DEPTOR: variants seen among roughly 807,000 people sequenced by gnomAD.
DEPTOR encodes the protein DEP domain-containing mTOR-interacting protein.
A neutral mutation model predicts 41.6 loss-of-function variants in DEPTOR; 41 were observed. The observed-to-expected ratio is 0.98, with a 90% CI of 0.77 to 1.28. The LOEUF (loss-of-function observed/expected upper bound fraction) is 1.28. Ranked by LOEUF, DEPTOR falls within the 50% of genes most tolerant of loss-of-function variation. The pLI, the probability that DEPTOR is intolerant of heterozygous loss-of-function variation, is 0.00. For synonymous variants in DEPTOR, 195 were observed against 192.3 expected (o/e 1.01, Z -0.12); for missense variants, 514 against 527.9 (o/e 0.97, Z 0.26).
intron 4 of DEPTOR, among the ~76,000 whole-genome samples, chr8:119,978,975 C>T (rs896952283): frequency 2.0e-5 from 3 of 146,458 alleles, no homozygotes; most frequent in Non-Finnish European, 3.0e-5. Flanking sequence ...GCTCCCTGCT[C>T]ACCCCCACTC....
intron 8 of DEPTOR, among the ~76,000 whole-genome samples, chr8:120,044,623 T>C (rs958761702): frequency 1.3e-5 from 2 of 152,194 alleles, no homozygotes; most frequent in African/African-American, 4.8e-5. Flanking sequence ...CTATCCATAC[T>C]GCCCACAGCA....
chr8:120,030,469 G>A (rs1356990730), intron 8 of DEPTOR, among the ~76,000 whole-genome samples: 1 of 133,188 alleles, frequency 7.5e-6, no homozygotes, highest in Non-Finnish European at 1.6e-5. Flanking sequence ...GACTCTGGGT[G>A]ATAATGATGT....
intron 3 of DEPTOR, among the ~76,000 whole-genome samples, chr8:119,953,554 G>A (rs1330955515): frequency 6.7e-6 from 1 of 149,520 alleles, no homozygotes; most frequent in Non-Finnish European, 1.5e-5. Flanking sequence ...TTGTGCCACT[G>A]CACTCCAGCC....
intron 1 of DEPTOR, among the ~76,000 whole-genome samples, chr8:119,881,602 A>C (rs1199266006): frequency 7.2e-5 from 11 of 152,148 alleles, no homozygotes; most frequent in Admixed American, 7.2e-4. Flanking sequence ...AATATGAGAT[A>C]AGGAATTTAG....
At chr8:119,953,590 CAAA>C (rs59533834) in intron 3 of DEPTOR, among the ~76,000 whole-genome samples, 7 of 69,354 alleles carry the variant, frequency 1.0e-4, no homozygotes, top group Admixed American at 1.7e-4. Flanking sequence ...GACTCTGTCT[CAAA>C]AAAAAAAAAA....
At chr8:119,918,696 T>TGATC (rs939004384) in intron 1 of DEPTOR, among the ~76,000 whole-genome samples, 6 of 152,160 alleles carry the variant, frequency 3.9e-5, no homozygotes, top group Non-Finnish European at 7.4e-5. Context: ...CTTGACCTTG[T>TGATC]GATCGGCCCT....
chr8:119,921,438 T>C lies in DEPTOR; in HGVS notation c.123-6962T>C, dbSNP rs187401346. On this transcript the variant is annotated intron_variant, in intron 1 of 8. Coordinates refer to ENST00000286234, the MANE Select transcript of DEPTOR (RefSeq NM_022783.4). ...ATATACAATTTTCAAAGCTCATTTT[T>C]AGAAGTCTGTGTTTCTGACTACAAA... Among the ~76,000 whole-genome samples, 1,153 of 152,344 alleles carry C rather than the reference T, an allele frequency of 7.6e-3. 9 individuals carry two copies. Among genetic ancestry groups the C allele is most frequent in the Non-Finnish European group, 9.2e-3 (627 of 68,034 alleles).
intron 8 of DEPTOR, among the ~76,000 whole-genome samples, chr8:120,011,404 G>C (rs1812529995): frequency 6.6e-6 from 1 of 152,220 alleles, no homozygotes; most frequent in African/African-American, 2.4e-5. Context: ...GCAACTCAGA[G>C]TAGGAATGTT....
intron 1 of DEPTOR, among the ~76,000 whole-genome samples, chr8:119,924,111 A>G (rs934789913): frequency 6.6e-6 from 1 of 152,044 alleles, no homozygotes; most frequent in African/African-American, 2.4e-5. Flanking sequence ...ATAGCTAATT[A>G]TTTGTTCCAT....
intron 3 of DEPTOR, among the ~76,000 whole-genome samples, chr8:119,945,384 A>G (rs1307316432): frequency 6.6e-6 from 1 of 152,200 alleles, no homozygotes; most frequent in East Asian, 1.9e-4. Context: ...GAGGATTTCT[A>G]TGTTCTAGGC....
At chr8:119,933,997 C>T (rs976525311) in intron 3 of DEPTOR, among the ~76,000 whole-genome samples, 4 of 152,034 alleles carry the variant, frequency 2.6e-5, no homozygotes, top group South Asian at 4.2e-4. Context: ...CTCATGCCTC[C>T]GCCTCCCAAG....
chr8:119,874,298 CAG>C (rs1385809958), intron 1 of DEPTOR: 1 of 356,420 alleles, frequency 2.8e-6, no homozygotes, highest in East Asian at 7.2e-5. Context: ...TGGACGCCGC[CAG>C]GCCTCCCGGC....
rs552984893 is a variant in DEPTOR at position 119,952,008 on chromosome 8, G to T, written c.426-13224G>T. On this transcript the variant is annotated intron_variant, in intron 3 of 8. Transcript: ENST00000286234. ...AAATTAGCTGGGCATGGAGGCACAC[G>T]CCTGTAATCCCAGCTACTGGGGAGA... is the stretch of plus-strand genomic sequence containing the variant. Among the ~76,000 whole-genome samples the T allele has an allele frequency of 5.6e-4, 85 of 152,204 alleles. No homozygotes were observed. In the South Asian group the frequency reaches 7.3e-3, roughly 13 times the overall value.
intron 4 of DEPTOR, among the ~76,000 whole-genome samples, chr8:119,975,104 C>A (rs139708213): frequency 3.6e-4 from 54 of 150,946 alleles, no homozygotes; most frequent in African/African-American, 1.3e-3. Context: ...AGTTTGAGAC[C>A]AGCTTGGGCA....
At position 120,007,185 on chromosome 8, in the gene DEPTOR, T is replaced by A. The variant is rs527862102; in HGVS notation, c.996+310T>A. On this transcript the variant is annotated intron_variant, in intron 7 of 8. Coordinates refer to ENST00000286234, the MANE Select transcript of DEPTOR (RefSeq NM_022783.4). The stretch of plus-strand genomic sequence containing the variant: ...GATTGGCATCATTTGCACTTGCATT[T>A]ACCTTAAAATCTAATAATTTTAGAT... Among the ~76,000 whole-genome samples the A allele has an allele frequency of 1.5e-3, 231 of 152,366 alleles. 1 individual carries two copies. Among genetic ancestry groups the A allele is most frequent in the Non-Finnish European group, 2.8e-3 (188 of 68,024 alleles).
chr8:120,033,960 C>G (rs541916578), intron 8 of DEPTOR, among the ~76,000 whole-genome samples: 3 of 151,924 alleles, frequency 2.0e-5, no homozygotes, highest in African/African-American at 7.3e-5. Context: ...CCAGCTCCAC[C>G]GGGGGCTGAA....
At chr8:119,963,883 A>G (rs1828522379) in intron 3 of DEPTOR, among the ~76,000 whole-genome samples, 2 of 152,188 alleles carry the variant, frequency 1.3e-5, no homozygotes, top group African/African-American at 4.8e-5. Flanking sequence ...AGTTCAGGCT[A>G]CTGTAACAAA....
chr8:119,898,264 A>C (rs902803806), intron 1 of DEPTOR, among the ~76,000 whole-genome samples: 2 of 152,124 alleles, frequency 1.3e-5, no homozygotes, highest in African/African-American at 4.8e-5. Flanking sequence ...TAAGAAAGAA[A>C]AGATGTGTGT....
At chr8:119,921,103 A>C in intron 1 of DEPTOR, among the ~76,000 whole-genome samples, 1 of 151,974 alleles carries the variant, frequency 6.6e-6, no homozygotes, top group Non-Finnish European at 1.5e-5. Context: ...CAGCCGGCAT[A>C]GTAGCTGGGA....
Sources: allele counts gnomAD v4.1 joint callset (sites outside exome capture counted in the v4.1 genomes callset), GRCh38; gene constraint gnomAD v4.1.1; transcripts MANE v1.5; gene names NCBI Gene and HGNC (gene_info 2026-07-23, HGNC 2026-07-21).